The following CPVL variants were observed in gnomAD, a reference collection of about 807,000 sequenced individuals.
The protein encoded by CPVL is carboxypeptidase vitellogenic like.
A neutral mutation model predicts 63.7 loss-of-function variants in CPVL; 51 were observed. The observed-to-expected ratio is 0.80, with a 90% confidence interval of 0.64 to 1.01. The LOEUF (loss-of-function observed/expected upper bound fraction) is 1.01. CPVL is among the 50% of genes least tolerant of loss of function. CPVL has a pLI of 0.00. For missense variants in CPVL, 530 were observed against 573.1 expected (o/e 0.92, Z 0.77); for synonymous variants, 195 against 206.0 (o/e 0.95, Z 0.46).
chr7:29,147,838 A>G (rs1389651569), upstream of CPVL, among the ~76,000 whole-genome samples: 1 of 152,264 alleles, frequency 6.6e-6, no homozygotes, highest in Non-Finnish European at 1.5e-5. Context: ...ATGATTAAGT[A>G]CAATAAGTTC....
At chr7:29,041,080 T>C (rs895727092) in intron 11 of CPVL, among the ~76,000 whole-genome samples, 2 of 151,440 alleles carry the variant, frequency 1.3e-5, no homozygotes, top group African/African-American at 4.9e-5. Context: ...TGCTTTCTGA[T>C]CCCCTTGCCT....
intron 4 of CPVL, among the ~76,000 whole-genome samples, chr7:29,183,081 CTTTTTT>C (rs34942216): frequency 1.5e-5 from 2 of 131,904 alleles, no homozygotes; most frequent in African/African-American, 2.9e-5. Context: ...ACATGGCAGA[CTTTTTT>C]TTTTTTTTTT....
In CPVL at chr7:29,064,064, A is replaced by AT; in HGVS notation, c.1133dup (p.Tyr378Ter). 6.2e-7 allele frequency: 1 copy of AT among 1,607,370 alleles called. No individual in the cohort carries two copies. The highest frequency in any genetic ancestry group is 1.3e-5 in the African/African-American group (1 of 74,796). ...GTAACTGAAGTAGCTCTCTTACCTT[A>AT]TAATTATTCATGATTTCAGTTAACC... ...KPWLTEIMNN[Y>*]KVLIYNGQLD... The change falls in exon 11 of 13, where the codon TAT (tyrosine) becomes TAAT (stop). Residue 378 changes from tyrosine to a stop codon, truncating the protein, a stop_gained and frameshift_variant. Transcript: ENST00000265394. LOFTEE classifies it high-confidence loss of function.
chr7:29,051,360 A>G (rs988782697), intron 11 of CPVL, among the ~76,000 whole-genome samples: 1 of 152,230 alleles, frequency 6.6e-6, no homozygotes, highest in Non-Finnish European at 1.5e-5. Flanking sequence ...CATCTGACAA[A>G]GGACTAATAT....
intron 7 of CPVL, among the ~76,000 whole-genome samples, chr7:29,078,752 G>T (rs993162139): frequency 1.3e-5 from 2 of 152,064 alleles, no homozygotes; most frequent in Non-Finnish European, 2.9e-5. Flanking sequence ...CATATGTATC[G>T]ATTTGATTTG....
chr7:29,072,068 CA>C (rs1457275744), intron 8 of CPVL, among the ~76,000 whole-genome samples, 164 bp from the exon 9 acceptor site: 1 of 152,158 alleles, frequency 6.6e-6, no homozygotes, highest in Non-Finnish European at 1.5e-5. Flanking sequence ...ACAACACACA[CA>C]ACAGAACACA....
rs1787105814 is a variant in CPVL at position 29,022,537 on chromosome 7, G to A, written c.1320+8040C>T. Among the ~76,000 whole-genome samples the A allele has an allele frequency of 1.3e-5, 2 of 152,190 alleles. 1 individual carries two copies. Among genetic ancestry groups the A allele is most frequent in the South Asian group, 4.1e-4 (2 of 4,832 alleles). On this transcript the variant is annotated intron_variant, in intron 12 of 12. Transcript: ENST00000265394. Reference sequence around the variant, plus strand: ...GCCTGCCTCTGCACTGCCTTCACCTGTGCCCATGAACATTATCCAGGAGTC... The same window carrying A: ...GCCTGCCTCTGCACTGCCTTCACCTATGCCCATGAACATTATCCAGGAGTC...
At chr7:29,088,043 C>T (rs543363516) in intron 6 of CPVL, among the ~76,000 whole-genome samples, 1 of 152,126 alleles carries the variant, frequency 6.6e-6, no homozygotes, top group South Asian at 2.1e-4. Flanking sequence ...TTCTCTCTTC[C>T]TGCTTGTTGG....
intron 11 of CPVL, among the ~76,000 whole-genome samples, chr7:29,056,983 C>G (rs1790809563): frequency 7.4e-6 from 1 of 135,350 alleles, no homozygotes; most frequent in Non-Finnish European, 1.5e-5. Context: ...CAGGGTCTCA[C>G]TCTGTTGCCT....
intron 6 of CPVL, among the ~76,000 whole-genome samples, chr7:29,087,294 C>T (rs770091599): frequency 4.6e-5 from 7 of 151,540 alleles, no homozygotes; most frequent in Non-Finnish European, 7.4e-5. Context: ...CATGGTGGTG[C>T]GCGCCTGTAG....
In CPVL at chr7:29,120,453, AT is replaced by A. The variant is rs1412633229; in HGVS notation, c.169+439del. Among the ~76,000 whole-genome samples the A allele has an allele frequency of 8.6e-5, 13 of 152,040 alleles. No homozygotes were observed. In the South Asian group the frequency reaches 1.0e-3, roughly 12 times the overall value. ...ACAAACAAACAAACAAACAAAATAT[AT>A]ATATATATATTTGAAATAAAACAAC... On this transcript the variant is annotated intron_variant, in intron 2 of 12. Transcript: ENST00000265394.
intron 6 of CPVL, among the ~76,000 whole-genome samples, chr7:29,089,601 T>C (rs1174478422): frequency 2.6e-5 from 4 of 152,152 alleles, no homozygotes; most frequent in African/African-American, 9.7e-5. Context: ...TTTACCATTG[T>C]GATGGCAACA....
chr7:29,117,906 T>G (rs1788937854), intron 2 of CPVL, among the ~76,000 whole-genome samples: 1 of 152,254 alleles, frequency 6.6e-6, no homozygotes, highest in Non-Finnish European at 1.5e-5. Context: ...AGCTACTTAT[T>G]ATTTTTACAA....
chr7:29,122,415 C>T (rs1028009776), intron 1 of CPVL: 2 of 152,174 alleles, frequency 1.3e-5, no homozygotes, highest in Non-Finnish European at 1.5e-5. Context: ...TCAGACATCA[C>T]CTGGGGGATG....
At chr7:29,106,541 G>A (rs113783558) in intron 3 of CPVL, among the ~76,000 whole-genome samples, 4 of 152,060 alleles carry the variant, frequency 2.6e-5, no homozygotes, top group Non-Finnish European at 4.4e-5. Context: ...AGAAAGAGAA[G>A]ACAAATTCCT....
chr7:29,046,854 TTTAA>T (rs1370705298), intron 11 of CPVL, among the ~76,000 whole-genome samples: 1 of 152,120 alleles, frequency 6.6e-6, no homozygotes, highest in Non-Finnish European at 1.5e-5. Flanking sequence ...CATCACCATG[TTTAA>T]TTATTTTTAA....
intron 3 of CPVL, among the ~76,000 whole-genome samples, chr7:29,107,921 C>T (rs952466857): frequency 3.9e-5 from 6 of 152,224 alleles, no homozygotes; most frequent in Non-Finnish European, 8.8e-5. Flanking sequence ...TTCCAGGCAC[C>T]TCTGGGACAT....
intron 1 of CPVL, chr7:29,191,588 A>C (rs1298636319): frequency 6.6e-6 from 1 of 152,246 alleles, no homozygotes; most frequent in African/African-American, 2.4e-5. Context: ...AGTTAAAACA[A>C]AATGATAATT....
chr7:29,090,254 C>G (rs1322036812), intron 6 of CPVL, among the ~76,000 whole-genome samples: 3 of 152,144 alleles, frequency 2.0e-5, no homozygotes, highest in African/African-American at 7.2e-5. Flanking sequence ...CCGATACAAG[C>G]TCAGCAACAG....
Sources: allele counts gnomAD v4.1 joint callset (sites outside exome capture counted in the v4.1 genomes callset), GRCh38; gene constraint gnomAD v4.1.1; transcripts MANE v1.5; gene names NCBI Gene and HGNC (gene_info 2026-07-23, HGNC 2026-07-21).